LAMC3: variants seen among roughly 807,000 people sequenced by gnomAD.
LAMC3 encodes laminin subunit gamma-3.
In LAMC3, 128 loss-of-function variants were observed where a neutral mutation model predicts 173.8. That is an observed-to-expected ratio of 0.74 (90% CI 0.64 to 0.85). The LOEUF (loss-of-function observed/expected upper bound fraction) is 0.85. Among genes scored for constraint, LAMC3 ranks in the 40% least tolerant of loss-of-function variants. The pLI, the probability that LAMC3 is intolerant of heterozygous loss-of-function variation, is 0.00. For missense variants in LAMC3, 2,022 were observed against 2,156.0 expected, an observed-to-expected ratio of 0.94 and a Z score of 1.23; for synonymous variants, 897 against 909.1, an observed-to-expected ratio of 0.99 and a Z score of 0.24.
intron 2 of LAMC3, among the ~76,000 whole-genome samples, chr9:131,028,375 C>A (rs73658909): frequency 0.057 from 8,643 of 152,262 alleles, 781 homozygotes; most frequent in African/African-American, 0.19. Context: ...ACCCAGGGAA[C>A]CTGCCCTCTC....
At chr9:131,061,328 A>G (rs1829816457) in intron 13 of LAMC3, 105 bp downstream of exon 13, 1 of 960,480 alleles carries the variant, frequency 1.0e-6, no homozygotes, top group Non-Finnish European at 1.5e-6. Flanking sequence ...AGGGTGTGGC[A>G]GGTGAGGGAG....
chr9:131,079,160 C>T lies in LAMC3; in HGVS notation c.3789C>T (p.Ser1263=), dbSNP rs1266432742. 2 of 1,613,568 alleles carry T rather than the reference C, an allele frequency of 1.2e-6. No individual in the cohort carries two copies. ...TTGTCTCCCTGCAGCCTCAGAAGTC[C>T]CGGGCTGAAGACCTGGGCCTGAAGG... ...LASPGALPQK[S]RAEDLGLKAK... Residue 1263 remains serine (S), a synonymous_variant, in exon 23 of 28, where the codon TCC becomes TCT. Coordinates refer to ENST00000361069, the MANE Select transcript of LAMC3 (RefSeq NM_006059.4).
chr9:131,061,338 G>A (rs1313049264), intron 13 of LAMC3, 115 bp downstream of exon 13: 2 of 865,764 alleles, frequency 2.3e-6, no homozygotes, highest in East Asian at 2.7e-5. Context: ...AGGTGAGGGA[G>A]AGCCCAGCTT....
At chr9:131,010,815 T>C (rs914626464) in intron 1 of LAMC3, among the ~76,000 whole-genome samples, 2 of 152,216 alleles carry the variant, frequency 1.3e-5, no homozygotes, top group Non-Finnish European at 2.9e-5. Flanking sequence ...ATCTGGAGTC[T>C]GGACCCAGCC....
chr9:131,032,104 C>T lies in LAMC3; in HGVS notation c.738C>T (p.Asp246=), dbSNP rs778312863. Reference sequence around the variant, plus strand: ...TAGACCGGCTCAACACGTTTGGGGACGACATCTTCAAGGACCCCAAGGTGC... The same window carrying T: ...TAGACCGGCTCAACACGTTTGGGGATGACATCTTCAAGGACCCCAAGGTGC... ...ISLDRLNTFG[D]DIFKDPKVLQ... The change falls in exon 3 of 28, where the codon GAC becomes GAT. Residue 246 remains aspartate (D), a synonymous_variant. Coordinates refer to ENST00000361069, the MANE Select transcript of LAMC3 (RefSeq NM_006059.4). The T allele has an allele frequency of 8.4e-5, 135 of 1,613,986 alleles. No homozygotes were observed. Among genetic ancestry groups the T allele is most frequent in the Non-Finnish European group, 9.9e-5 (117 of 1,180,022 alleles).
chr9:131,061,417 G>A (rs1310803083), intron 13 of LAMC3, among the ~76,000 whole-genome samples, 194 bp downstream of exon 13: 3 of 152,178 alleles, frequency 2.0e-5, no homozygotes, highest in South Asian at 2.1e-4. Context: ...CCAGGCTGCC[G>A]CACATTGCCA....
At chr9:131,017,445 G>A (rs910896779) in intron 1 of LAMC3, among the ~76,000 whole-genome samples, 1 of 152,042 alleles carries the variant, frequency 6.6e-6, no homozygotes, top group Non-Finnish European at 1.5e-5. Context: ...TTAATTAGAG[G>A]CCGGGTGCGG....
rs140806340 is a variant in LAMC3, at chr9:131,045,532, C to T, written c.1391C>T (p.Pro464Leu). The change falls in exon 8 of 28, where the codon CCG (proline) becomes CTG (leucine). Residue 464 changes from proline (P) to leucine (L), a missense_variant. By Grantham distance (98) the Pro-to-Leu change is moderately conservative. Coordinates refer to ENST00000361069, the MANE Select transcript of LAMC3 (RefSeq NM_006059.4). ...VEGNLCDRCR[P>L]GTFNLQPHNP... is the part of the protein sequence containing the mutation. ...TCCTGCCTCCATTTCAGATGTCGCC[C>T]GGGGACCTTTAACCTGCAGCCCCAC... 219 of 1,613,746 alleles carry T rather than the reference C, an allele frequency of 1.4e-4. No individual in the cohort carries two copies. The highest frequency in any genetic ancestry group is 1.8e-4 in the Non-Finnish European group (209 of 1,180,036).
At chr9:131,079,099 T>C (rs779023749) in intron 22 of LAMC3, 50 bp from the exon 23 acceptor site, 7 of 1,599,920 alleles carry the variant, frequency 4.4e-6, no homozygotes, top group Non-Finnish European at 6.0e-6. Flanking sequence ...GAGGATCCGC[T>C]GCTTGCCCTT....
chr9:131,038,438 G>T (rs1030098473), intron 4 of LAMC3, among the ~76,000 whole-genome samples: 1 of 152,208 alleles, frequency 6.6e-6, no homozygotes, highest in Non-Finnish European at 1.5e-5. Context: ...AATGAAAGGT[G>T]ACTTGTGCTT....
chr9:131,022,418 A>G (rs1187130146), intron 1 of LAMC3, among the ~76,000 whole-genome samples: 2 of 152,002 alleles, frequency 1.3e-5, no homozygotes, highest in African/African-American at 4.8e-5. Flanking sequence ...CCACAATAAC[A>G]TACATAGTAT....
At chr9:131,035,940 G>A (rs921350925) in intron 3 of LAMC3, among the ~76,000 whole-genome samples, 10 of 152,174 alleles carry the variant, frequency 6.6e-5, no homozygotes, top group Non-Finnish European at 1.3e-4. Flanking sequence ...ATTCTATGGG[G>A]GTGGTAACAG....
intron 6 of LAMC3, among the ~76,000 whole-genome samples, chr9:131,041,231 G>T (rs1834048805): frequency 6.6e-6 from 1 of 152,130 alleles, no homozygotes; most frequent in South Asian, 2.1e-4. Context: ...GCTGGACATG[G>T]TGATGCATGC....
intron 21 of LAMC3, among the ~76,000 whole-genome samples, 177 bp downstream of exon 21, chr9:131,076,142 G>A (rs1387346338): frequency 6.6e-6 from 1 of 152,136 alleles, no homozygotes; most frequent in Non-Finnish European, 1.5e-5. Flanking sequence ...GGGCCCACTC[G>A]GTGGTGAGTC....
chr9:131,036,401 C>T (rs1833946311), intron 4 of LAMC3, 69 bp downstream of exon 4: 1 of 1,576,960 alleles, frequency 6.3e-7, no homozygotes, highest in Admixed American at 1.7e-5. Context: ...AAGGAACTCC[C>T]CAAAACGTCG....
At chr9:131,017,829 C>A (rs942167977) in intron 1 of LAMC3, among the ~76,000 whole-genome samples, 1 of 151,278 alleles carries the variant, frequency 6.6e-6, no homozygotes, top group African/African-American at 2.4e-5. Flanking sequence ...AGTTCGAGAC[C>A]AGCCTGGCCA....
intron 6 of LAMC3, among the ~76,000 whole-genome samples, chr9:131,040,796 G>A (rs906141620): frequency 2.0e-5 from 3 of 151,986 alleles, no homozygotes; most frequent in Non-Finnish European, 2.9e-5. Flanking sequence ...CCTGCCCCTC[G>A]CCTGCACACC....
chr9:131,066,840 C>A, intron 13 of LAMC3, 120 bp from the exon 14 acceptor site: 1 of 1,389,624 alleles, frequency 7.2e-7, no homozygotes, highest in Non-Finnish European at 9.9e-7. Flanking sequence ...CCAGGTCCTC[C>A]TGCCCAAGCC....
intron 1 of LAMC3, among the ~76,000 whole-genome samples, chr9:131,015,545 C>T (rs1010270963): frequency 1.3e-5 from 2 of 152,200 alleles, no homozygotes; most frequent in African/African-American, 4.8e-5. Context: ...CCTGAGCCCT[C>T]GACTGGGTAA....
Sources: gnomAD v4.1 joint callset for allele counts (sites outside exome capture counted in the v4.1 genomes callset) on GRCh38, gnomAD v4.1.1 for gene constraint, MANE v1.5 for transcripts, NCBI Gene and HGNC (gene_info 2026-07-23, HGNC 2026-07-21) for gene names.